KSR2: variants seen among roughly 807,000 people sequenced by gnomAD.
KSR2 encodes the protein kinase suppressor of ras 2.
Under a neutral mutation model 107.8 loss-of-function variants are expected in KSR2, and 25 were observed. The observed-to-expected ratio is 0.23, with a 90% CI of 0.17 to 0.32. The LOEUF (loss-of-function observed/expected upper bound fraction) is 0.32, where lower values mean the gene tolerates loss of function less well. Among genes scored for constraint, KSR2 ranks in the 10% least tolerant of loss-of-function variants. The pLI, the probability that KSR2 is intolerant of heterozygous loss-of-function variation, is 1.00. For synonymous variants in KSR2, 480 were observed against 507.0 expected (o/e 0.95, Z 0.71); for missense variants, 887 against 1,268.9 (o/e 0.70, Z 4.57).
chr12:117,783,332 G>A (rs1889949025), intron 3 of KSR2, among the ~76,000 whole-genome samples: 1 of 152,334 alleles, frequency 6.6e-6, no homozygotes, highest in African/African-American at 2.4e-5. Flanking sequence ...TCTGCATCAT[G>A]TCAACGCATT....
At chr12:117,556,607 C>G (rs991772230) in intron 8 of KSR2, among the ~76,000 whole-genome samples, 1 of 152,168 alleles carries the variant, frequency 6.6e-6, no homozygotes, top group Non-Finnish European at 1.5e-5. Context: ...CTTTCAGCAG[C>G]AGTCTGCCTC....
chr12:117,926,485 T>C (rs1250784078), intron 1 of KSR2, among the ~76,000 whole-genome samples: 1 of 152,250 alleles, frequency 6.6e-6, no homozygotes, highest in African/African-American at 2.4e-5. Flanking sequence ...GACTTGCAGA[T>C]ATCAGGGCTG....
chr12:117,901,845 G>A (rs1353731633), intron 1 of KSR2, among the ~76,000 whole-genome samples: 7 of 152,006 alleles, frequency 4.6e-5, no homozygotes, highest in Non-Finnish European at 1.0e-4. Context: ...GACAAAACAG[G>A]GCTTTATATA....
At chr12:117,749,334 T>G (rs1293643905) in intron 4 of KSR2, among the ~76,000 whole-genome samples, 1 of 151,644 alleles carries the variant, frequency 6.6e-6, no homozygotes. Flanking sequence ...GTGACTTATT[T>G]GCAGTCACAA....
chr12:117,940,122 A>G (rs1484208673), intron 1 of KSR2, among the ~76,000 whole-genome samples: 1 of 152,170 alleles, frequency 6.6e-6, no homozygotes, highest in Non-Finnish European at 1.5e-5. Context: ...ATATTCCCTT[A>G]AAAACGTCAA....
chr12:117,866,522 T>C (rs1333352146), intron 1 of KSR2, among the ~76,000 whole-genome samples: 2 of 152,186 alleles, frequency 1.3e-5, no homozygotes, highest in Admixed American at 6.5e-5. Context: ...TTTAAATACA[T>C]GTATGTTAAA....
Position 117,656,521 on chromosome 12 carries a change from G to A in KSR2, c.1171+10953C>T, listed in dbSNP as rs1032194882. Reference sequence around the variant, plus strand: ...CCCAGCTACTCAGGAGGCTGAGGCAGGAGAATCACTTGAACCCAGGAGGTG... The same window carrying A: ...CCCAGCTACTCAGGAGGCTGAGGCAAGAGAATCACTTGAACCCAGGAGGTG... On this transcript the variant is annotated intron_variant, in intron 5 of 19. Transcript: ENST00000339824. 8.5e-5 allele frequency among the ~76,000 whole-genome samples: 13 copies of A among 152,330 alleles called. 1 individual carries two copies. The South Asian group carries it at 2.7e-3, about 32-fold the overall frequency.
chr12:117,475,107 C>T (rs1043124725), intron 17 of KSR2, among the ~76,000 whole-genome samples: 3 of 152,112 alleles, frequency 2.0e-5, no homozygotes, highest in South Asian at 2.1e-4. Context: ...ATTGGACACC[C>T]GGCCCCCATC....
chr12:117,833,337 T>G (rs1892056181), intron 3 of KSR2, among the ~76,000 whole-genome samples: 1 of 152,150 alleles, frequency 6.6e-6, no homozygotes. Context: ...GCAGAAACCC[T>G]TGGGACAGGA....
intron 3 of KSR2, among the ~76,000 whole-genome samples, chr12:117,799,384 C>G (rs963288584): frequency 3.9e-5 from 6 of 151,964 alleles, no homozygotes; most frequent in Non-Finnish European, 5.9e-5. Context: ...CACCTGTAAT[C>G]CCAGCTACTC....
Position 117,851,825 on chromosome 12 carries a change from A to T in KSR2, c.472+3603T>A, listed in dbSNP as rs117662781. 0.02 allele frequency among the ~76,000 whole-genome samples: 2,998 copies of T among 151,734 alleles called. 281 individuals carry two copies. In the East Asian group the frequency reaches 0.31, roughly 15 times the overall value. ...GGAATCACTTGAATCCAGGAAGTGG[A>T]GTTTGCAGTGAGCCGAGATCATGCC... On this transcript the variant is annotated intron_variant, in intron 3 of 19. Transcript: ENST00000339824.
chr12:117,550,117 C>T (rs537851782), intron 9 of KSR2, among the ~76,000 whole-genome samples: 1 of 152,270 alleles, frequency 6.6e-6, no homozygotes, highest in Admixed American at 6.5e-5. Context: ...CTGGAAACAT[C>T]CATCAGAGAC....
intron 3 of KSR2, among the ~76,000 whole-genome samples, chr12:117,840,157 G>T (rs1276797290): frequency 1.3e-5 from 2 of 149,276 alleles, no homozygotes; most frequent in Non-Finnish European, 2.9e-5. Context: ...AGAGTGCAAT[G>T]CGCAATCTTG....
At chr12:117,635,547 C>T (rs1015238478) in intron 5 of KSR2, among the ~76,000 whole-genome samples, 4 of 152,038 alleles carry the variant, frequency 2.6e-5, no homozygotes, top group African/African-American at 9.7e-5. Flanking sequence ...AAGAGATGAT[C>T]AGTATAAGAC....
Position 117,456,724 on chromosome 12 carries a change from A to C in KSR2, c.*10475T>G, listed in dbSNP as rs1253859411. Reference sequence around the variant, plus strand: ...CCTGGGACTGCCGGAAGCTCCAGGGATTTGATTCTAGGGGTAAAACAGCTG... The same window carrying C: ...CCTGGGACTGCCGGAAGCTCCAGGGCTTTGATTCTAGGGGTAAAACAGCTG... On this transcript the variant is annotated 3_prime_UTR_variant, in exon 20 of 20. Transcript: ENST00000339824. The C allele has an allele frequency of 6.6e-6, 1 of 152,094 alleles. No homozygotes were observed. The highest frequency in any genetic ancestry group is 2.4e-5 in the African/African-American group (1 of 41,372). The allele number at this position is 152,094 out of a possible 1,614,324, so 9.4% of individuals were successfully genotyped here.
At chr12:117,943,055 C>T (rs2137540487) in intron 1 of KSR2, among the ~76,000 whole-genome samples, 1 of 152,234 alleles carries the variant, frequency 6.6e-6, no homozygotes, top group South Asian at 2.1e-4. Context: ...CTACAAAATA[C>T]ATACCATACA....
chr12:117,697,999 G>T (rs947157543), intron 4 of KSR2, among the ~76,000 whole-genome samples: 3 of 152,132 alleles, frequency 2.0e-5, no homozygotes, highest in Non-Finnish European at 2.9e-5. Context: ...ACCACGTGAA[G>T]ATGAAGGCAG....
intron 4 of KSR2, among the ~76,000 whole-genome samples, chr12:117,725,435 A>G (rs1345620468): frequency 6.6e-6 from 1 of 152,208 alleles, no homozygotes; most frequent in African/African-American, 2.4e-5. Flanking sequence ...TCAATGAGGA[A>G]CAGGTGGTCT....
chr12:117,741,978 G>C (rs780894795), intron 4 of KSR2, among the ~76,000 whole-genome samples: 4 of 152,210 alleles, frequency 2.6e-5, no homozygotes, highest in Non-Finnish European at 5.9e-5. Flanking sequence ...ACAGTGAAGA[G>C]ATGTGGCAGA....
Sources: allele counts gnomAD v4.1 joint callset (sites outside exome capture counted in the v4.1 genomes callset), GRCh38; gene constraint gnomAD v4.1.1; transcripts MANE v1.5; gene names NCBI Gene and HGNC (gene_info 2026-07-23, HGNC 2026-07-21).